The following DNAH7 variants were observed in gnomAD, a reference collection of about 807,000 sequenced individuals.
The protein encoded by DNAH7 is dynein axonemal heavy chain 7, also known as axonemal beta dynein heavy chain 7.
In DNAH7, 397 loss-of-function variants were observed where a neutral mutation model predicts 444.6. The observed-to-expected ratio is 0.89, with a 90% CI of 0.82 to 0.97. The LOEUF (loss-of-function observed/expected upper bound fraction) is 0.97, where lower values mean the gene tolerates loss of function less well. Ranked by LOEUF, DNAH7 falls within the 50% of genes least tolerant of loss-of-function variation. The probability of loss-of-function intolerance (pLI) is 0.00; values close to 1 mark genes in which losing one functional copy is unlikely to be tolerated. For missense variants in DNAH7, 4,902 were observed against 4,800.8 expected, an observed-to-expected ratio of 1.02 and a Z score of -0.62; for synonymous variants, 1,636 against 1,624.4, an observed-to-expected ratio of 1.01 and a Z score of -0.17.
In DNAH7 at chr2:195,857,727, G is replaced by C. The variant is rs745997560; in HGVS notation, c.8068-4C>G. ...TGGATTTTACCACTGTAATATCCTT[G>C]AAATAACAACGTTAATTATTTTAAA... On this transcript the variant is annotated splice_polypyrimidine_tract_variant and splice_region_variant and intron_variant, in intron 43 of 64. Transcript: ENST00000312428. The C allele has an allele frequency of 3.2e-6, 5 of 1,566,826 alleles. No individual in the cohort carries two copies. The highest frequency in any genetic ancestry group is 2.3e-5 in the East Asian group (1 of 44,330).
intron 57 of DNAH7, among the ~76,000 whole-genome samples, chr2:195,793,166 G>A (rs1422379662): frequency 6.6e-6 from 1 of 152,062 alleles, no homozygotes; most frequent in East Asian, 1.9e-4. Context: ...CAAACTCCTG[G>A]CCTCAAACAA....
At chr2:195,873,718 T>C in intron 38 of DNAH7, 24 bp from the exon 39 acceptor site, 2 of 1,493,038 alleles carry the variant, frequency 1.3e-6, no homozygotes, top group Non-Finnish European at 1.8e-6. Flanking sequence ...AGTATAACTC[T>C]TAATAATGTT....
At chr2:195,924,368 G>C (rs1688205146) in intron 22 of DNAH7, among the ~76,000 whole-genome samples, 2 of 152,184 alleles carry the variant, frequency 1.3e-5, no homozygotes, top group Admixed American at 1.3e-4. Context: ...AAGGCGGGCA[G>C]ATCACTTGAG....
intron 5 of DNAH7, among the ~76,000 whole-genome samples, chr2:196,028,687 CA>C (rs1185643551): frequency 6.6e-6 from 1 of 152,140 alleles, no homozygotes; most frequent in African/African-American, 2.4e-5. Context: ...TTCACATTTT[CA>C]GAAAAATAAG....
intron 56 of DNAH7, among the ~76,000 whole-genome samples, 161 bp downstream of exon 56, chr2:195,796,415 C>A (rs76668978): frequency 6.6e-6 from 1 of 152,156 alleles, no homozygotes; most frequent in African/African-American, 2.4e-5. Context: ...TCTGTTCCTC[C>A]AGATCTGGTT....
At chr2:195,875,352 C>G (rs1413237084) in intron 38 of DNAH7, among the ~76,000 whole-genome samples, 1 of 151,634 alleles carries the variant, frequency 6.6e-6, no homozygotes, top group East Asian at 1.9e-4. Context: ...AAATTGGGAG[C>G]AAAAATTCCA....
At chr2:195,827,804 T>A (rs545418496) in intron 48 of DNAH7, among the ~76,000 whole-genome samples, 1 of 152,036 alleles carries the variant, frequency 6.6e-6, no homozygotes, top group Non-Finnish European at 1.5e-5. Flanking sequence ...CTCAAACTCC[T>A]GGGCTCAACC....
rs116262326 is a variant in DNAH7 at position 196,030,851 on chromosome 2, G to C, written c.399-2804C>G. On this transcript the variant is annotated intron_variant, in intron 5 of 64. Coordinates refer to ENST00000312428, the MANE Select transcript of DNAH7 (RefSeq NM_018897.3). ...TTTTCAGGGTACAGCCTCACTCTTGGCTGCTTTCACAGACTGGTGTTGAGT... is the reference window on the plus strand; with the variant it reads ...TTTTCAGGGTACAGCCTCACTCTTGCCTGCTTTCACAGACTGGTGTTGAGT... Among the ~76,000 whole-genome samples the C allele has an allele frequency of 1.2e-3, 181 of 152,340 alleles. 1 individual carries two copies. The highest frequency in any genetic ancestry group is 2.0e-3 in the Non-Finnish European group (134 of 68,024).
chr2:195,976,747 C>CAGACAGAGAGAGAGAGAG (rs545824124), intron 15 of DNAH7, among the ~76,000 whole-genome samples: 3 of 90,618 alleles, frequency 3.3e-5, no homozygotes, highest in South Asian at 5.5e-4. Context: ...GAGAGGCAGA[C>CAGACAGAGAGAGAGAGAG]AGAGAGAGAG....
intron 15 of DNAH7, among the ~76,000 whole-genome samples, chr2:195,980,193 T>G (rs917732213): frequency 6.6e-6 from 1 of 151,826 alleles, no homozygotes; most frequent in East Asian, 1.9e-4. Flanking sequence ...TGGGAGGTAA[T>G]TGAATTACAG....
intron 46 of DNAH7, among the ~76,000 whole-genome samples, chr2:195,850,657 C>T (rs1699307321): frequency 6.6e-6 from 1 of 152,080 alleles, no homozygotes; most frequent in South Asian, 2.1e-4. Context: ...TTATTGAGGG[C>T]CCTTGATATC....
chr2:195,742,279 A>G (rs537958495), intron 63 of DNAH7, among the ~76,000 whole-genome samples: 2 of 152,304 alleles, frequency 1.3e-5, no homozygotes, highest in East Asian at 3.9e-4. Context: ...AGAGAACTTT[A>G]TAGTATGGAA....
chr2:195,847,111 G>GGATATCGGATATATATATATCTTATATA (rs1699044458), intron 46 of DNAH7, among the ~76,000 whole-genome samples: 5 of 139,438 alleles, frequency 3.6e-5, no homozygotes, highest in Admixed American at 3.6e-4. Context: ...TCAGATGGTG[G>GGATATCGGATATATATATATCTTATATA]GATATCGGAT....
chr2:195,931,758 CTCTGT>C (rs1332163848), intron 21 of DNAH7, among the ~76,000 whole-genome samples: 3 of 152,128 alleles, frequency 2.0e-5, no homozygotes, highest in Non-Finnish European at 2.9e-5. Flanking sequence ...TTTCTGAGGG[CTCTGT>C]TCTGTTACAT....
intron 15 of DNAH7, among the ~76,000 whole-genome samples, chr2:195,976,253 C>T: frequency 6.6e-6 from 1 of 152,128 alleles, no homozygotes; most frequent in East Asian, 1.9e-4. Flanking sequence ...GACTGAAGAG[C>T]CCTTGGGCCT....
chr2:195,861,638 T>C, intron 42 of DNAH7, 79 bp downstream of exon 42: 1 of 905,264 alleles, frequency 1.1e-6, no homozygotes, highest in East Asian at 2.6e-5. Context: ...AAATCTCCAT[T>C]ATATATTATG....
intron 64 of DNAH7, among the ~76,000 whole-genome samples, chr2:195,739,355 T>A (rs1692850551): frequency 6.6e-6 from 1 of 152,212 alleles, no homozygotes; most frequent in African/African-American, 2.4e-5. Flanking sequence ...AAGGGGTTTT[T>A]AACCTGTCTT....
intron 9 of DNAH7, 144 bp downstream of exon 9, chr2:196,019,026 G>T: frequency 1.0e-6 from 1 of 997,056 alleles, no homozygotes. Flanking sequence ...CTTCTTTGTT[G>T]TTTATTTAAA....
At chr2:195,862,773 T>C (rs1700096839) in intron 41 of DNAH7, among the ~76,000 whole-genome samples, 1 of 152,126 alleles carries the variant, frequency 6.6e-6, no homozygotes. Context: ...AAAAAGTATT[T>C]ACCTGTAATC....
Sources: gnomAD v4.1 joint callset for allele counts (sites outside exome capture counted in the v4.1 genomes callset) on GRCh38, gnomAD v4.1.1 for gene constraint, MANE v1.5 for transcripts, NCBI Gene and HGNC (gene_info 2026-07-23, HGNC 2026-07-21) for gene names.